Variants in PKD1L1 observed in about 807,000 individuals in gnomAD.
PKD1L1 encodes polycystin 1 like 1, transient receptor potential channel interacting.
A neutral mutation model predicts 323.4 loss-of-function variants in PKD1L1; 236 were observed. The observed-to-expected ratio is 0.73, with a 90% CI of 0.66 to 0.81. The LOEUF (loss-of-function observed/expected upper bound fraction) is 0.81, where lower values mean the gene tolerates loss of function less well. Among genes scored for constraint, PKD1L1 ranks in the 40% least tolerant of loss-of-function variants. The pLI, the probability that PKD1L1 is intolerant of heterozygous loss-of-function variation, is 0.00. For synonymous variants in PKD1L1, 1,344 were observed against 1,335.0 expected (o/e 1.01, Z -0.15); for missense variants, 3,320 against 3,508.0 (o/e 0.95, Z 1.35).
At chr7:47,817,879 A>AT in intron 46 of PKD1L1, 1 of 511,740 alleles carries the variant, frequency 2.0e-6, no homozygotes, top group East Asian at 8.1e-5. Context: ...CAAAAAAAAA[A>AT]TTTCCATAGC....
At chr7:47,834,231 G>A in intron 40 of PKD1L1, 108 bp downstream of exon 40, 1 of 1,128,738 alleles carries the variant, frequency 8.9e-7, no homozygotes, top group Non-Finnish European at 1.3e-6. Context: ...CTCACCTTGA[G>A]CCTGACCCAT....
At position 47,840,599 on chromosome 7, in the gene PKD1L1, G is replaced by A. The variant is rs572371866; in HGVS notation, c.5446-32C>T. On this transcript the variant is annotated intron_variant, in intron 34 of 56. Coordinates refer to ENST00000289672, the MANE Select transcript of PKD1L1 (RefSeq NM_138295.5). The surrounding 1 kb of genome is among the most constrained non-coding windows in gnomAD (Gnocchi z 4.1). Reference sequence around the variant, plus strand: ...ACAAAGAACAGGGGTGGGAACTCAGGCTATTTCACAGCAGACACCATGCAA... The same window carrying A: ...ACAAAGAACAGGGGTGGGAACTCAGACTATTTCACAGCAGACACCATGCAA... 3.3e-6 allele frequency: 5 copies of A among 1,521,366 alleles called. No individual in the cohort carries two copies. Among genetic ancestry groups the A allele is most frequent in the Non-Finnish European group, 1.8e-6 (2 of 1,097,150 alleles). 94.2% of individuals were successfully genotyped at this position (1,521,366 alleles called of 1,614,324 possible). A position where few individuals can be genotyped will look rare whatever the true frequency, so the allele number is the denominator to read the frequency against.
At chr7:47,853,050 AC>A (rs1785816000) in intron 31 of PKD1L1, 76 bp downstream of exon 31, 1 of 956,762 alleles carries the variant, frequency 1.0e-6, no homozygotes, top group East Asian at 2.4e-5. Flanking sequence ...GAAAAACACC[AC>A]TATACATACA....
At chr7:47,886,981 G>A (rs1583649489) in intron 17 of PKD1L1, among the ~76,000 whole-genome samples, 1 of 152,172 alleles carries the variant, frequency 6.6e-6, no homozygotes, top group Middle Eastern at 3.4e-3. Flanking sequence ...TGCAACCATG[G>A]GAGAGCCCAA....
Position 47,834,979 on chromosome 7 carries a change from C to G in PKD1L1, c.6115G>C (p.Glu2039Gln), listed in dbSNP as rs771792457. 6.2e-7 allele frequency: 1 copy of G among 1,613,610 alleles called. No homozygotes were observed. Among genetic ancestry groups the G allele is most frequent in the Admixed American group, 1.7e-5 (1 of 59,994 alleles). ...AATGTACATTTACCATGGGGTGCCT[C>G]GGTCTGTGCTCCTCCTCTAAGTGGG... ...HSPLRGGAQT[E>Q]APHGPNSWGR... Residue 2039 changes from glutamate to glutamine, a missense_variant, in exon 39 of 57, where the codon GAG (glutamate) becomes CAG (glutamine). Coordinates refer to ENST00000289672, the MANE Select transcript of PKD1L1 (RefSeq NM_138295.5).
chr7:47,897,891 G>T, intron 14 of PKD1L1, 97 bp downstream of exon 14: 8 of 953,616 alleles, frequency 8.4e-6, no homozygotes, highest in South Asian at 2.3e-5. Flanking sequence ...TTCCTGGATC[G>T]AACAGGTGTT....
In PKD1L1 at chr7:47,815,443, C is replaced by A. The variant is rs527620374; in HGVS notation, c.6980G>T (p.Cys2327Phe). The A allele has an allele frequency of 3.7e-6, 6 of 1,613,588 alleles. No homozygotes were observed. In the South Asian group the frequency reaches 4.4e-5, roughly 12 times the overall value. ...AGCGATGTTTCTCAGGCCACCCAAG[C>A]AGTTTCTGGCATTTCTTAATGCAAG... ...RKEFTRNARN[C>F]LGGLRNIADW... Residue 2327 changes from cysteine to phenylalanine, a missense_variant, in exon 47 of 57, where the codon TGC becomes TTC. Physicochemically the swap from Cys to Phe is radical, Grantham distance 205 (BLOSUM62 -2). Coordinates refer to ENST00000289672, the MANE Select transcript of PKD1L1 (RefSeq NM_138295.5).
chr7:47,936,650 T>C (rs1787872391), intron 4 of PKD1L1, among the ~76,000 whole-genome samples, 196 bp downstream of exon 4: 1 of 152,240 alleles, frequency 6.6e-6, no homozygotes, highest in South Asian at 2.1e-4. Context: ...GGGTTTGTCA[T>C]ACTACCTGTT....
intron 7 of PKD1L1, among the ~76,000 whole-genome samples, chr7:47,920,838 C>T (rs748950709): frequency 3.3e-5 from 5 of 152,166 alleles, no homozygotes; most frequent in Non-Finnish European, 7.4e-5. Flanking sequence ...TGGCTAACCA[C>T]ATGTAGGAGA....
At position 47,839,309 on chromosome 7, in the gene PKD1L1, G is replaced by T. The variant is rs6960513; in HGVS notation, c.5769+137C>A. 347,870 of 639,492 alleles carry T rather than the reference G, an allele frequency of 0.54. 96,987 individuals are homozygous for T. Among genetic ancestry groups the T allele is most frequent in the African/African-American group, 0.61 (33,599 of 54,664 alleles). 39.6% of individuals were successfully genotyped at this position (639,492 alleles called of 1,614,324 possible). On this transcript the variant is annotated intron_variant, in intron 36 of 56. Coordinates refer to ENST00000289672, the MANE Select transcript of PKD1L1 (RefSeq NM_138295.5). This position sits in a 1 kb window ranked among gnomAD's most constrained non-coding sequence, Gnocchi z 4.3. ...ATGTATCATTTAATATTTTGATATC[G>T]TGGTAATTAACTAAGAAAAGAGGAA...
At chr7:47,855,643 G>A (rs112961555) in intron 28 of PKD1L1, among the ~76,000 whole-genome samples, 2,725 of 98,428 alleles carry the variant, frequency 0.028, 674 homozygotes, top group African/African-American at 0.15. Context: ...TTGGGAGGCC[G>A]AGGCGGGCGG....
intron 17 of PKD1L1, among the ~76,000 whole-genome samples, chr7:47,887,592 C>A (rs945669745): frequency 6.6e-6 from 1 of 152,234 alleles, no homozygotes; most frequent in African/African-American, 2.4e-5. Flanking sequence ...TGGAACCTTC[C>A]GCCCTGGTTC....
intron 56 of PKD1L1, among the ~76,000 whole-genome samples, chr7:47,789,423 G>T (rs1272653080): frequency 6.6e-6 from 1 of 151,996 alleles, no homozygotes; most frequent in Non-Finnish European, 1.5e-5. Context: ...ATCATATTTA[G>T]ATACATTAGC....
chr7:47,872,505 T>C (rs1205226022), intron 24 of PKD1L1, among the ~76,000 whole-genome samples: 1 of 152,218 alleles, frequency 6.6e-6, no homozygotes, highest in African/African-American at 2.4e-5. Flanking sequence ...TTATCCATTA[T>C]AAAAATACAG....
At position 47,803,356 on chromosome 7, in the gene PKD1L1, G is replaced by A. The variant is rs200087970; in HGVS notation, c.7828-12C>T. The A allele has an allele frequency of 6.2e-6, 10 of 1,613,060 alleles. 1 individual carries two copies. In the Admixed American group the frequency reaches 1.7e-4, roughly 27 times the overall value. On this transcript the variant is annotated splice_polypyrimidine_tract_variant and intron_variant, in intron 52 of 56. Transcript: ENST00000289672. The stretch of plus-strand genomic sequence containing the variant: ...AGCCATCGAGCCCTCTGAGACAGAA[G>A]AACATAACAGTCAGTGTGCCATGCC...
intron 54 of PKD1L1, among the ~76,000 whole-genome samples, chr7:47,799,896 G>T (rs771974495): frequency 1.3e-5 from 2 of 152,206 alleles, no homozygotes; most frequent in Non-Finnish European, 2.9e-5. Flanking sequence ...GGGCAGAGCA[G>T]GTCGGAGCCT....
At chr7:47,949,486 G>A (rs560619385), upstream of PKD1L1, among the ~76,000 whole-genome samples, 8 of 150,570 alleles carry the variant, frequency 5.3e-5, no homozygotes, top group East Asian at 2.0e-4. Context: ...CACACTAGGC[G>A]CACTCTGTCT....
At chr7:47,850,111 C>T (rs1328061769) in intron 31 of PKD1L1, among the ~76,000 whole-genome samples, 1 of 152,048 alleles carries the variant, frequency 6.6e-6, no homozygotes, top group Non-Finnish European at 1.5e-5. Flanking sequence ...CACAAATCAC[C>T]ACTAAGGAAC....
chr7:47,859,627 ATT>A (rs34815905), intron 26 of PKD1L1, among the ~76,000 whole-genome samples: 51 of 123,602 alleles, frequency 4.1e-4, no homozygotes, highest in African/African-American at 5.6e-4. Flanking sequence ...AAAGACATAC[ATT>A]TTTTTTTTTT....
Sources: allele counts gnomAD v4.1 joint callset (sites outside exome capture counted in the v4.1 genomes callset), GRCh38; gene constraint gnomAD v4.1.1; non-coding constraint Gnocchi (gnomAD v3.1); transcripts MANE v1.5; gene names NCBI Gene and HGNC (gene_info 2026-07-23, HGNC 2026-07-21).